The following HECW2 variants were observed in gnomAD, a reference collection of about 807,000 sequenced individuals.
The protein encoded by HECW2 is E3 ubiquitin-protein ligase HECW2.
Under a neutral mutation model 175.2 loss-of-function variants are expected in HECW2, and 61 were observed. The observed-to-expected ratio is 0.35, with a 90% CI of 0.28 to 0.43. The LOEUF is 0.43. HECW2 is among the 20% of genes least tolerant of loss of function. HECW2 has a pLI of 1.00. For synonymous variants in HECW2, 671 were observed against 731.0 expected, an observed-to-expected ratio of 0.92 and a Z score of 1.32; for missense variants, 1,524 against 2,000.5, an observed-to-expected ratio of 0.76 and a Z score of 4.54.
intron 1 of HECW2, among the ~76,000 whole-genome samples, chr2:196,529,136 G>T (rs2125449034): frequency 6.6e-6 from 1 of 152,268 alleles, no homozygotes; most frequent in South Asian, 2.1e-4. Context: ...TAAGACAAAA[G>T]AATGTTCTGG....
At chr2:196,421,085 A>C (rs1179498557) in intron 2 of HECW2, among the ~76,000 whole-genome samples, 1 of 152,176 alleles carries the variant, frequency 6.6e-6, no homozygotes, top group African/African-American at 2.4e-5. Context: ...TTAAATTCCA[A>C]GCAAATATGC....
intron 1 of HECW2, among the ~76,000 whole-genome samples, chr2:196,538,101 G>A (rs145314674): frequency 6.8e-4 from 103 of 152,320 alleles, no homozygotes; most frequent in African/African-American, 2.4e-3. Flanking sequence ...GAAGGAGTCC[G>A]ACAGAGACAG....
intron 28 of HECW2, among the ~76,000 whole-genome samples, chr2:196,213,555 G>GGA (rs1403875920): frequency 6.6e-6 from 1 of 152,132 alleles, no homozygotes. Context: ...GGCTTGTTAC[G>GGA]GAGAGGGTAT....
chr2:196,349,536 T>C (rs571080322), intron 2 of HECW2, among the ~76,000 whole-genome samples: 1 of 151,976 alleles, frequency 6.6e-6, no homozygotes, highest in South Asian at 2.1e-4. Context: ...TGTGTGTGTG[T>C]GTGCGCGCGC....
chr2:196,352,681 G>T (rs1044112034), intron 2 of HECW2, among the ~76,000 whole-genome samples: 5 of 152,010 alleles, frequency 3.3e-5, no homozygotes, highest in African/African-American at 1.2e-4. Context: ...GGGGTCACCT[G>T]CACACTCACA....
chr2:196,281,365 C>G (rs192543199), intron 14 of HECW2, among the ~76,000 whole-genome samples: 2 of 152,092 alleles, frequency 1.3e-5, no homozygotes, highest in South Asian at 4.1e-4. Flanking sequence ...GGGCCAGGCG[C>G]GATGGCTCAC....
intron 1 of HECW2, among the ~76,000 whole-genome samples, chr2:196,512,006 A>G (rs1687967849): frequency 6.6e-6 from 1 of 152,366 alleles, no homozygotes; most frequent in East Asian, 1.9e-4. Context: ...TGGAGCAGGA[A>G]TGATTTTAAC....
chr2:196,344,879 C>A (rs1290005718), intron 2 of HECW2, among the ~76,000 whole-genome samples: 1 of 152,092 alleles, frequency 6.6e-6, no homozygotes, highest in Non-Finnish European at 1.5e-5. Context: ...AGGAATAGTC[C>A]TGAGGAGAAA....
chr2:196,217,604 A>G (rs148985958), intron 26 of HECW2: 1 of 152,426 alleles, frequency 6.6e-6, no homozygotes, highest in Non-Finnish European at 1.5e-5. Flanking sequence ...AGCTATATAT[A>G]ATATTCATAC....
At chr2:196,210,384 G>T (rs1687234983) in intron 28 of HECW2, among the ~76,000 whole-genome samples, 1 of 151,690 alleles carries the variant, frequency 6.6e-6, no homozygotes, top group Non-Finnish European at 1.5e-5. Context: ...TTTTCCTTCA[G>T]AAATGGTATC....
chr2:196,356,829 G>C (rs1456283003), intron 2 of HECW2, among the ~76,000 whole-genome samples: 2 of 152,130 alleles, frequency 1.3e-5, no homozygotes, highest in Non-Finnish European at 2.9e-5. Context: ...CTTTATCATA[G>C]GTATATATGT....
chr2:196,354,534 T>G (rs1303833773), intron 2 of HECW2, among the ~76,000 whole-genome samples: 3 of 152,220 alleles, frequency 2.0e-5, no homozygotes, highest in African/African-American at 7.2e-5. Flanking sequence ...AAATCCTGCA[T>G]CAGTATCTTG....
At chr2:196,203,849 C>T (rs1393530497) in intron 28 of HECW2, among the ~76,000 whole-genome samples, 1 of 152,170 alleles carries the variant, frequency 6.6e-6, no homozygotes, top group Non-Finnish European at 1.5e-5. Context: ...AAATCTGTAT[C>T]CATTAAATAG....
chr2:196,400,316 GGACA>G (rs1279396741), intron 2 of HECW2, among the ~76,000 whole-genome samples: 9 of 152,176 alleles, frequency 5.9e-5, no homozygotes, highest in Non-Finnish European at 1.3e-4. Flanking sequence ...TGAGGAAATG[GGACA>G]GACAGAGGAA....
At chr2:196,561,715 C>T (rs561713992) in intron 1 of HECW2, among the ~76,000 whole-genome samples, 1 of 152,236 alleles carries the variant, frequency 6.6e-6, no homozygotes, top group South Asian at 2.1e-4. Flanking sequence ...GGGCTGGTTC[C>T]CCTAATACAT....
chr2:196,445,043 T>A (rs1270730996), intron 1 of HECW2, among the ~76,000 whole-genome samples: 1 of 152,230 alleles, frequency 6.6e-6, no homozygotes, highest in East Asian at 1.9e-4. Flanking sequence ...ACTCTCTTTT[T>A]GAAGAGCACC....
At position 196,317,094 on chromosome 2, in the gene HECW2, G is replaced by C; in HGVS notation, c.2434+180C>G. 5.5e-6 allele frequency: 3 copies of C among 545,284 alleles called. No homozygotes were observed. In the South Asian group the frequency reaches 7.8e-5, roughly 14 times the overall value. The allele number at this position is 545,284 out of a possible 1,614,324, so 33.8% of individuals were successfully genotyped here. Reference sequence around the variant, plus strand: ...CTGCCCTTTCTTTCAGCATAATGGTGCCAGAGAAGAGTCATTGGCCTAGCA... The same window carrying C: ...CTGCCCTTTCTTTCAGCATAATGGTCCCAGAGAAGAGTCATTGGCCTAGCA... On this transcript the variant is annotated intron_variant, in intron 10 of 28. Transcript: ENST00000644978.
chr2:196,271,062 T>C (rs1689716640), intron 17 of HECW2, 131 bp downstream of exon 17: 1 of 631,400 alleles, frequency 1.6e-6, no homozygotes, highest in East Asian at 2.8e-5. Context: ...GATGACAAAA[T>C]ATTTGCATAC....
At chr2:196,317,106 T>A (rs1480239754) in intron 10 of HECW2, 168 bp downstream of exon 10, 3 of 566,228 alleles carry the variant, frequency 5.3e-6, no homozygotes, top group East Asian at 5.7e-5. Flanking sequence ...CAGAGAAGAG[T>A]CATTGGCCTA....
Sources: gnomAD v4.1 joint callset for allele counts (sites outside exome capture counted in the v4.1 genomes callset) on GRCh38, gnomAD v4.1.1 for gene constraint, MANE v1.5 for transcripts, NCBI Gene and HGNC (gene_info 2026-07-23, HGNC 2026-07-21) for gene names.